TMEM132D: variants seen among roughly 807,000 people sequenced by gnomAD.
TMEM132D encodes the protein mature OL transmembrane protein.
In TMEM132D, 21 loss-of-function variants were observed where a neutral mutation model predicts 62.3. The ratio of observed to expected loss-of-function variants is 0.34; its 90% CI spans 0.24 to 0.49. TMEM132D has a LOEUF of 0.49. Ranked by LOEUF, TMEM132D falls within the 20% of genes least tolerant of loss-of-function variation. TMEM132D has a pLI of 0.99. For missense variants in TMEM132D, 1,346 were observed against 1,402.8 expected, an observed-to-expected ratio of 0.96 and a Z score of 0.65; for synonymous variants, 621 against 575.6, an observed-to-expected ratio of 1.08 and a Z score of -1.13.
At chr12:129,598,995 A>G (rs1878417847) in intron 2 of TMEM132D, among the ~76,000 whole-genome samples, 1 of 152,202 alleles carries the variant, frequency 6.6e-6, no homozygotes, top group Non-Finnish European at 1.5e-5. Context: ...AAATGCTTAT[A>G]CTTCTGAAGG....
intron 4 of TMEM132D, among the ~76,000 whole-genome samples, chr12:129,225,422 T>C (rs1013667608): frequency 8.5e-5 from 13 of 152,298 alleles, no homozygotes; most frequent in African/African-American, 2.6e-4. Flanking sequence ...TCATCTTCAC[T>C]GTGGAGTTAA....
chr12:129,852,527 G>A (rs551561596), intron 1 of TMEM132D: 1 of 152,092 alleles, frequency 6.6e-6, no homozygotes, highest in East Asian at 1.9e-4. Flanking sequence ...CTGGGTAACA[G>A]AGCAAGACCC....
intron 5 of TMEM132D, among the ~76,000 whole-genome samples, chr12:129,139,115 G>C (rs1876665065): frequency 6.6e-6 from 1 of 152,284 alleles, no homozygotes; most frequent in Middle Eastern, 3.4e-3. Flanking sequence ...CCAATTTACA[G>C]ATAGGAAAAC....
chr12:129,428,503 G>A (rs1380330353), intron 3 of TMEM132D, among the ~76,000 whole-genome samples: 1 of 152,210 alleles, frequency 6.6e-6, no homozygotes, highest in Non-Finnish European at 1.5e-5. Context: ...TTATTACTTG[G>A]AGGAGGAATT....
intron 5 of TMEM132D, among the ~76,000 whole-genome samples, chr12:129,143,966 T>C (rs1876817403): frequency 6.6e-6 from 1 of 152,132 alleles, no homozygotes; most frequent in South Asian, 2.1e-4. Context: ...CCCTGGACCA[T>C]TCTTGGACCA....
At chr12:129,120,716 A>T (rs942202319) in intron 5 of TMEM132D, among the ~76,000 whole-genome samples, 5 of 152,204 alleles carry the variant, frequency 3.3e-5, no homozygotes, top group Non-Finnish European at 1.5e-5. Context: ...TGGCTTTAAC[A>T]ATTGCATGAT....
At chr12:129,639,879 T>C (rs12297578) in intron 2 of TMEM132D, among the ~76,000 whole-genome samples, 75,561 of 151,944 alleles carry the variant, frequency 0.5, 18,869 homozygotes, top group Middle Eastern at 0.63. Context: ...TTTGGGATAA[T>C]TGTGAAACAG....
In TMEM132D at chr12:129,209,514, A is replaced by G. The variant is rs762639339; in HGVS notation, c.1443+6T>C. 69 of 1,613,512 alleles carry G rather than the reference A, an allele frequency of 4.3e-5. No homozygotes were observed. The highest frequency in any genetic ancestry group is 5.4e-5 in the Non-Finnish European group (64 of 1,179,768). On this transcript the variant is annotated splice_donor_region_variant and intron_variant, in intron 5 of 8. Coordinates refer to ENST00000422113, the MANE Select transcript of TMEM132D (RefSeq NM_133448.3). ...TTTCTGCAGGGGCGGGGAGGTGTCA[A>G]CTTGCCTTAATCACGTCTTCATCAG...
chr12:129,887,174 G>A (rs1020988708), intron 1 of TMEM132D, among the ~76,000 whole-genome samples: 1 of 152,100 alleles, frequency 6.6e-6, no homozygotes, highest in African/African-American at 2.4e-5. Context: ...TAACCAGGGG[G>A]AAAACATAAA....
At chr12:129,672,267 T>C (rs1455652517) in intron 2 of TMEM132D, among the ~76,000 whole-genome samples, 1 of 152,154 alleles carries the variant, frequency 6.6e-6, no homozygotes, top group Non-Finnish European at 1.5e-5. Context: ...GCAAAAGCAA[T>C]GCCCACTTCC....
At position 129,602,201 on chromosome 12, in the gene TMEM132D, C is replaced by T. The variant is rs547669846; in HGVS notation, c.969-70996G>A. On this transcript the variant is annotated intron_variant, in intron 2 of 8. Transcript: ENST00000422113. The stretch of plus-strand genomic sequence containing the variant: ...CAGGTAGAAAAGTAAAAACTGAAAA[C>T]TAGACCGCCTGTATGCAAGTATTAT... 1.3e-4 allele frequency among the ~76,000 whole-genome samples: 20 copies of T among 152,254 alleles called. No individual in the cohort carries two copies. In the South Asian group the frequency reaches 3.9e-3, roughly 30 times the overall value.
At chr12:129,590,816 A>C (rs1251860937) in intron 2 of TMEM132D, among the ~76,000 whole-genome samples, 1 of 152,184 alleles carries the variant, frequency 6.6e-6, no homozygotes, top group African/African-American at 2.4e-5. Flanking sequence ...ACCAGCATGG[A>C]GGAGGGAGGA....
At chr12:129,690,864 A>C (rs1342033283) in intron 2 of TMEM132D, among the ~76,000 whole-genome samples, 3 of 152,182 alleles carry the variant, frequency 2.0e-5, no homozygotes, top group Non-Finnish European at 4.4e-5. Context: ...CATTTATGGA[A>C]TATTCCATCC....
intron 1 of TMEM132D, among the ~76,000 whole-genome samples, chr12:129,854,384 G>T (rs1438688282): frequency 6.6e-6 from 1 of 152,160 alleles, no homozygotes; most frequent in Non-Finnish European, 1.5e-5. Flanking sequence ...AGAGGAGCAG[G>T]ATTCAGCCCC....
chr12:129,694,541 C>G (rs764301519), intron 2 of TMEM132D, among the ~76,000 whole-genome samples: 2 of 152,188 alleles, frequency 1.3e-5, no homozygotes, highest in Admixed American at 1.3e-4. Context: ...TCGGAGTATG[C>G]GCCTGTAACA....
intron 2 of TMEM132D, among the ~76,000 whole-genome samples, chr12:129,564,223 G>T (rs1361744062): frequency 1.3e-5 from 2 of 152,092 alleles, no homozygotes; most frequent in Non-Finnish European, 2.9e-5. Flanking sequence ...GGGCAGCTCT[G>T]GTCTTAGAAT....
chr12:129,739,394 AGAG>A (rs1869528564), intron 1 of TMEM132D, among the ~76,000 whole-genome samples: 1 of 152,178 alleles, frequency 6.6e-6, no homozygotes, highest in Non-Finnish European at 1.5e-5. Flanking sequence ...CCAAAAAGAC[AGAG>A]GAGACGTCAA....
chr12:129,264,232 T>C (rs1880627202), intron 4 of TMEM132D, among the ~76,000 whole-genome samples: 2 of 152,052 alleles, frequency 1.3e-5, no homozygotes, highest in South Asian at 4.1e-4. Context: ...TTATAAAAAA[T>C]ACAAAAATTA....
chr12:129,780,967 G>A (rs986055554), intron 1 of TMEM132D, among the ~76,000 whole-genome samples: 1 of 152,170 alleles, frequency 6.6e-6, no homozygotes, highest in Admixed American at 6.5e-5. Context: ...ATCCATAAAT[G>A]AGAGGATGAT....
Sources: gnomAD v4.1 joint callset for allele counts (sites outside exome capture counted in the v4.1 genomes callset) on GRCh38, gnomAD v4.1.1 for gene constraint, MANE v1.5 for transcripts, NCBI Gene and HGNC (gene_info 2026-07-23, HGNC 2026-07-21) for gene names.